Variants in DMD observed in about 807,000 individuals in gnomAD.
The protein encoded by DMD is dystrophin, also known as mutant dystrophin.
A neutral mutation model predicts 330.1 loss-of-function variants in DMD; 63 were observed. The ratio of observed to expected loss-of-function variants is 0.19; its 90% CI spans 0.16 to 0.24. The LOEUF is 0.24. Among genes scored for constraint, DMD ranks in the 10% least tolerant of loss-of-function variants. The pLI is 1.00. For synonymous variants in DMD, 1,223 were observed against 959.8 expected, an observed-to-expected ratio of 1.27 and a Z score of -5.07; for missense variants, 3,344 against 2,684.1, an observed-to-expected ratio of 1.25 and a Z score of -5.43.
intron 60 of DMD, among the ~76,000 whole-genome samples, chrX:31,431,842 G>A (rs1323028632): frequency 9.3e-6 from 1 of 107,602 alleles, no homozygotes; most frequent in Non-Finnish European, 1.9e-5. Context: ...TTTAGATGGA[G>A]TCTCCCTCTC....
intron 60 of DMD, among the ~76,000 whole-genome samples, chrX:31,407,154 T>A (rs1602538298): frequency 8.9e-6 from 1 of 112,164 alleles, no homozygotes; most frequent in Non-Finnish European, 1.9e-5. Context: ...TATCTTATTT[T>A]TTATTATTAT....
At chrX:32,670,161 C>T (rs2061545124) in intron 9 of DMD, among the ~76,000 whole-genome samples, 1 of 111,499 alleles carries the variant, frequency 9.0e-6, no homozygotes. Flanking sequence ...AGTTATTATA[C>T]TTCCTATCTC....
At chrX:32,748,653 CAGTA>C (rs2070399552) in intron 7 of DMD, among the ~76,000 whole-genome samples, 1 of 111,427 alleles carries the variant, frequency 9.0e-6, no homozygotes, top group African/African-American at 3.3e-5. Context: ...TTAGGTAAGT[CAGTA>C]AGTATATCAA....
chrX:31,255,449 C>T (rs1357834877), intron 63 of DMD, among the ~76,000 whole-genome samples: 1 of 111,081 alleles, frequency 9.0e-6, no homozygotes, highest in Non-Finnish European at 1.9e-5. Context: ...GAAGAATGTA[C>T]CCTCTCAATA....
At chrX:32,038,537 T>A (rs1170616922) in intron 44 of DMD, among the ~76,000 whole-genome samples, 1 of 110,938 alleles carries the variant, frequency 9.0e-6, no homozygotes, top group Non-Finnish European at 1.9e-5. Flanking sequence ...ACAAAGTCAA[T>A]TAGAGGGATA....
chrX:31,814,399 C>T (rs1366277391), intron 50 of DMD, among the ~76,000 whole-genome samples: 2 of 91,033 alleles, frequency 2.2e-5, no homozygotes, highest in Non-Finnish European at 4.1e-5. Context: ...AGGAGAATGG[C>T]GTGAACCCGG....
chrX:32,931,326 T>C (rs1249646605), intron 2 of DMD, among the ~76,000 whole-genome samples: 3 of 111,386 alleles, frequency 2.7e-5, no homozygotes, highest in Non-Finnish European at 5.7e-5. Flanking sequence ...CTGTATTCTG[T>C]AATTGCTAGG....
At chrX:31,536,144 G>C (rs1443316564) in intron 55 of DMD, among the ~76,000 whole-genome samples, 2 of 111,384 alleles carry the variant, frequency 1.8e-5, no homozygotes, top group Non-Finnish European at 3.8e-5. Context: ...TATCTATTTG[G>C]ACTAGTCACA....
At chrX:32,854,933 A>T (rs974608885) in intron 2 of DMD, among the ~76,000 whole-genome samples, 1 of 111,762 alleles carries the variant, frequency 8.9e-6, no homozygotes, top group African/African-American at 3.3e-5. Flanking sequence ...ATCCTCAACA[A>T]AATACTAGCA....
At chrX:32,925,436 G>C (rs1347809467) in intron 2 of DMD, among the ~76,000 whole-genome samples, 1 of 110,311 alleles carries the variant, frequency 9.1e-6, no homozygotes, top group Non-Finnish European at 1.9e-5. Context: ...TGAATGTTTG[G>C]GATGCATCAG....
intron 7 of DMD, among the ~76,000 whole-genome samples, chrX:32,783,256 A>G (rs780032867): frequency 5.1e-4 from 48 of 94,891 alleles, no homozygotes; most frequent in Admixed American, 2.2e-3. Context: ...GTATATACGT[A>G]TATACACATA....
intron 49 of DMD, among the ~76,000 whole-genome samples, chrX:31,831,752 C>G (rs1462233307): frequency 9.0e-6 from 1 of 110,639 alleles, no homozygotes; most frequent in Non-Finnish European, 1.9e-5. Flanking sequence ...ATGCCTGCCA[C>G]CAAGCCCGGC....
intron 4 of DMD, among the ~76,000 whole-genome samples, chrX:32,826,097 T>C (rs1286717486): frequency 8.9e-6 from 1 of 111,924 alleles, no homozygotes; most frequent in Non-Finnish European, 1.9e-5. Flanking sequence ...TGAAATAATG[T>C]TGAACATCAC....
intron 9 of DMD, among the ~76,000 whole-genome samples, chrX:32,685,537 C>G (rs979348881): frequency 8.9e-6 from 1 of 111,778 alleles, no homozygotes; most frequent in African/African-American, 3.2e-5. Context: ...CCCAGAGACA[C>G]CTAATAAACA....
rs1257630162 is a variant in DMD, at chrX:31,474,727, T to TA, written c.8937+3378dup. ...GTCGCAAAAAAAAAATAAAATAAAA[T>TA]AAAATAAAATAAAATAAAATAAAAT... On this transcript the variant is annotated intron_variant, in intron 59 of 78. Coordinates refer to ENST00000357033, the MANE Select transcript of DMD (RefSeq NM_004006.3). Among the ~76,000 whole-genome samples the TA allele has an allele frequency of 2.8e-3, 261 of 93,171 alleles. 2 individuals are homozygous for TA. Among genetic ancestry groups the TA allele is most frequent in the Non-Finnish European group, 4.8e-3 (222 of 46,389 alleles). The allele number at this position is 93,171 out of a possible 115,157, so 80.9% of individuals were successfully genotyped here. A position where few individuals can be genotyped will look rare whatever the true frequency, so the allele number is the denominator to read the frequency against.
intron 41 of DMD, among the ~76,000 whole-genome samples, chrX:32,311,951 C>G (rs777190776): frequency 1.8e-5 from 2 of 111,465 alleles, no homozygotes; most frequent in African/African-American, 3.2e-5. Flanking sequence ...GCTCGTCTTT[C>G]TTATTCACGT....
chrX:31,613,352 C>T (rs1411393635), intron 55 of DMD, among the ~76,000 whole-genome samples: 3 of 111,241 alleles, frequency 2.7e-5, no homozygotes, highest in Admixed American at 1.9e-4. Flanking sequence ...AACTCTTACA[C>T]TGTGAAAAAG....
intron 48 of DMD, among the ~76,000 whole-genome samples, chrX:31,872,719 C>T (rs186545159): frequency 3.3e-4 from 37 of 111,661 alleles, no homozygotes; most frequent in East Asian, 8.5e-4. Context: ...CGCAATATTA[C>T]GCCAGTTACT....
chrX:32,607,120 T>C (rs757505474), intron 12 of DMD, among the ~76,000 whole-genome samples: 1 of 110,096 alleles, frequency 9.1e-6, no homozygotes, highest in Admixed American at 9.7e-5. Context: ...AACCTGCACA[T>C]GCACCCCCTC....
Sources: allele counts gnomAD v4.1 joint callset (sites outside exome capture counted in the v4.1 genomes callset), GRCh38; gene constraint gnomAD v4.1.1; transcripts MANE v1.5; gene names NCBI Gene and HGNC (gene_info 2026-07-23, HGNC 2026-07-21).